Variants in CCDC40 observed in about 807,000 individuals in gnomAD.
The protein encoded by CCDC40 is coiled-coil domain 40 molecular ruler complex subunit, also known as coiled-coil domain-containing protein 40.
Under a neutral mutation model 124.5 loss-of-function variants are expected in CCDC40, and 104 were observed. The observed-to-expected ratio is 0.84, with a 90% CI of 0.71 to 0.98. The LOEUF (loss-of-function observed/expected upper bound fraction) is 0.98. Among genes scored for constraint, CCDC40 ranks in the 50% least tolerant of loss-of-function variants. The pLI is 0.00. For synonymous variants in CCDC40, 580 were observed against 602.9 expected (o/e 0.96, Z 0.56); for missense variants, 1,463 against 1,503.9 (o/e 0.97, Z 0.45).
At chr17:80,084,364 C>T (rs1404833480) in intron 12 of CCDC40, among the ~76,000 whole-genome samples, 1 of 152,180 alleles carries the variant, frequency 6.6e-6, no homozygotes, top group African/African-American at 2.4e-5. Context: ...CTCATGAGAA[C>T]TCACTATCAT....
In CCDC40 at chr17:80,086,275, A is replaced by T; in HGVS notation, c.2449+59A>T. On this transcript the variant is annotated intron_variant, in intron 14 of 19. Transcript: ENST00000397545. This position sits in a 1 kb window ranked among gnomAD's most constrained non-coding sequence, Gnocchi z 5.5. ...CTGAGACGAGCTCTGGGACGTGGGCACCTCCCAGGGGAGGGGCACTCAGTG... is the reference window on the plus strand; with the variant it reads ...CTGAGACGAGCTCTGGGACGTGGGCTCCTCCCAGGGGAGGGGCACTCAGTG... The T allele has an allele frequency of 1.4e-6, 2 of 1,435,686 alleles. No homozygotes were observed. Among genetic ancestry groups the T allele is most frequent in the South Asian group, 2.4e-5 (2 of 81,792 alleles). 88.9% of individuals were successfully genotyped at this position (1,435,686 alleles called of 1,614,324 possible).
intron 1 of CCDC40, among the ~76,000 whole-genome samples, chr17:80,037,797 GTATTTCT>G (rs2037163838): frequency 1.3e-5 from 2 of 149,730 alleles, no homozygotes; most frequent in Admixed American, 6.7e-5. Context: ...TCTCTACGTT[GTATTTCT>G]TTTCCCCAGT....
chr17:80,068,862 C>T (rs2038116777), intron 10 of CCDC40, among the ~76,000 whole-genome samples: 3 of 152,230 alleles, frequency 2.0e-5, no homozygotes, highest in African/African-American at 7.2e-5. Context: ...CTCGGACTAG[C>T]AGATTCTTAT....
intron 4 of CCDC40, among the ~76,000 whole-genome samples, chr17:80,047,939 T>C (rs1164905788): frequency 1.3e-5 from 2 of 152,126 alleles, no homozygotes; most frequent in Admixed American, 6.5e-5. Context: ...AACCTTTCAT[T>C]ACTTGCAAAT....
Position 80,097,205 on chromosome 17 carries a change from C to T in CCDC40, c.3022-40C>T, listed in dbSNP as rs765400038. On this transcript the variant is annotated intron_variant, in intron 18 of 19. Coordinates refer to ENST00000397545, the MANE Select transcript of CCDC40 (RefSeq NM_017950.4). ...GACTCTTCCCTGTCCGCCAAGTAGC[C>T]GGGCTGCAGGGGCCCAGCATGGTCC... 21 of 1,610,388 alleles carry T rather than the reference C, an allele frequency of 1.3e-5. No individual in the cohort carries two copies. The South Asian group carries it at 1.6e-4, about 13-fold the overall frequency.
chr17:80,056,714 G>T (rs2037757502), intron 7 of CCDC40, among the ~76,000 whole-genome samples: 1 of 151,976 alleles, frequency 6.6e-6, no homozygotes, highest in African/African-American at 2.4e-5. Flanking sequence ...ATTTTGAAAA[G>T]GAAGGATAAT....
At chr17:80,089,248 G>A (rs62075571) in intron 16 of CCDC40, among the ~76,000 whole-genome samples, 4,126 of 152,298 alleles carry the variant, frequency 0.027, 84 homozygotes, top group Non-Finnish European at 0.038. Context: ...GAAAGGGTGC[G>A]GAGCAGGCGT....
chr17:80,080,082 G>C (rs1465947758), intron 10 of CCDC40, among the ~76,000 whole-genome samples: 3 of 149,306 alleles, frequency 2.0e-5, no homozygotes, highest in Non-Finnish European at 4.5e-5. Context: ...AAAATTAGCT[G>C]GGCATGGTGG....
At chr17:80,079,430 T>C (rs1468921945) in intron 10 of CCDC40, among the ~76,000 whole-genome samples, 2 of 152,174 alleles carry the variant, frequency 1.3e-5, no homozygotes, top group Admixed American at 1.3e-4. Flanking sequence ...GTGTTTCTTG[T>C]GCTGTGTCTT....
intron 10 of CCDC40, among the ~76,000 whole-genome samples, chr17:80,073,916 C>A (rs142175721): frequency 3.4e-3 from 513 of 152,056 alleles, no homozygotes; most frequent in African/African-American, 0.012. Flanking sequence ...GAACTCCTGA[C>A]GTCAAATGAT....
rs1232084938 is a variant in CCDC40, at chr17:80,086,016, G to A, written c.2249G>A (p.Gly750Glu). The A allele has an allele frequency of 3.1e-6, 5 of 1,613,842 alleles. No individual in the cohort carries two copies. Among genetic ancestry groups the A allele is most frequent in the Non-Finnish European group, 4.2e-6 (5 of 1,180,004 alleles). Reference sequence around the variant, plus strand: ...TATCCGGTCTAGGGGGAAGAAGTGGGGCCCCTGGAGCTTGAAATCAAAAGG... The same window carrying A: ...TATCCGGTCTAGGGGGAAGAAGTGGAGCCCCTGGAGCTTGAAATCAAAAGG... ...MVSELGGEEV[G>E]PLELEIKRLS... is the part of the protein sequence containing the mutation. Residue 750 changes from glycine to glutamate, a missense_variant, in exon 14 of 20, where the codon GGG becomes GAG. Gly to Glu is a moderately conservative substitution (Grantham distance 98). Transcript: ENST00000397545. This position sits in a 1 kb window ranked among gnomAD's most constrained non-coding sequence, Gnocchi z 5.5.
chr17:80,055,952 C>A (rs1488921241), intron 7 of CCDC40, among the ~76,000 whole-genome samples: 2 of 133,878 alleles, frequency 1.5e-5, no homozygotes, highest in Admixed American at 8.1e-5. Flanking sequence ...GCTGGGACTA[C>A]ACACACACCA....
Position 80,086,241 on chromosome 17 carries a change from G to A in CCDC40, c.2449+25G>A, listed in dbSNP as rs1264110149. 5 of 1,558,478 alleles carry A rather than the reference G, an allele frequency of 3.2e-6. No homozygotes were observed. The highest frequency in any genetic ancestry group is 4.4e-6 in the Non-Finnish European group (5 of 1,148,978). ...AGTAAGAGCCGCCGTGCCCGGCCCT[G>A]CAGTGATGCTGAGACGAGCTCTGGG... On this transcript the variant is annotated intron_variant, in intron 14 of 19. Transcript: ENST00000397545. The surrounding 1 kb of genome is among the most constrained non-coding windows in gnomAD (Gnocchi z 5.5).
chr17:80,091,467 A>G (rs1466156189), intron 17 of CCDC40, among the ~76,000 whole-genome samples: 1 of 152,138 alleles, frequency 6.6e-6, no homozygotes, highest in Admixed American at 6.5e-5. Context: ...TGATTCAGTC[A>G]AGTCTAAGAC....
Position 80,090,281 on chromosome 17 carries a change from A to C in CCDC40, c.2832+397A>C, listed in dbSNP as rs1567813633. ...GACGCGCGCGGGCACGTGCACGAAC[A>C]ACACGGGACGCGCGCAGGCACGTGC... On this transcript the variant is annotated intron_variant, in intron 17 of 19. Transcript: ENST00000397545. 1.3e-5 allele frequency: 17 copies of C among 1,308,656 alleles called. 3 individuals are homozygous for C. The highest frequency in any genetic ancestry group is 9.6e-5 in the South Asian group (6 of 62,246). The allele number at this position is 1,308,656 out of a possible 1,614,324, so 81.1% of individuals were successfully genotyped here.
chr17:80,037,020 G>T (rs2037087146), intron 1 of CCDC40, among the ~76,000 whole-genome samples: 1 of 152,150 alleles, frequency 6.6e-6, no homozygotes, highest in Non-Finnish European at 1.5e-5. Flanking sequence ...TCTGCGTGGC[G>T]GTCCCTGCGC....
At chr17:80,037,688 A>AAAAAAATATATATATATATAT in intron 1 of CCDC40, among the ~76,000 whole-genome samples, 18 of 45,712 alleles carry the variant, frequency 3.9e-4, no homozygotes, top group African/African-American at 1.1e-3. Context: ...TTTTTTAAAA[A>AAAAAAATATATATATATATAT]AGATATACAT....
At position 80,099,531 on chromosome 17, in the gene CCDC40, T is replaced by G. The variant is rs1239171033; in HGVS notation, c.3185T>G (p.Leu1062Arg). 1 of 1,608,446 alleles carries G rather than the reference T, an allele frequency of 6.2e-7. No individual in the cohort carries two copies. Among genetic ancestry groups the G allele is most frequent in the Non-Finnish European group, 8.5e-7 (1 of 1,179,974 alleles). The part of the protein sequence containing the change: ...TRLGALKRQN[L>R]SEIVALQTRL... ...GGAGTCTCTTTTCCTACCCAGAACC[T>G]TTCAGAGATCGTGGCCCTGCAGACA... The change falls in exon 20 of 20, where the codon CTT becomes CGT. Residue 1062 changes from leucine (L) to arginine (R), a missense_variant. Leu to Arg is a moderately radical substitution (Grantham distance 102). Transcript: ENST00000397545.
At chr17:80,047,155 A>G in intron 3 of CCDC40, 124 bp from the exon 4 acceptor site, 1 of 1,155,242 alleles carries the variant, frequency 8.7e-7, no homozygotes, top group Non-Finnish European at 1.3e-6. Flanking sequence ...CAGGTTTTTT[A>G]AAAAACACAC....
Sources: allele counts gnomAD v4.1 joint callset (sites outside exome capture counted in the v4.1 genomes callset), GRCh38; gene constraint gnomAD v4.1.1; non-coding constraint Gnocchi (gnomAD v3.1); transcripts MANE v1.5; gene names NCBI Gene and HGNC (gene_info 2026-07-23, HGNC 2026-07-21).